CYFIP2: variants seen among roughly 807,000 people sequenced by gnomAD.
The protein encoded by CYFIP2 is cytoplasmic FMR1-interacting protein 2.
CYFIP2 carries 29 observed loss-of-function variants against 158.7 expected under a neutral mutation model. That is an observed-to-expected ratio of 0.18 (90% confidence interval 0.14 to 0.25). The LOEUF (loss-of-function observed/expected upper bound fraction) is 0.25, where lower values mean the gene tolerates loss of function less well. CYFIP2 is among the 10% of genes least tolerant of loss of function. The pLI, the probability that CYFIP2 is intolerant of heterozygous loss-of-function variation, is 1.00. For synonymous variants in CYFIP2, 585 were observed against 617.6 expected, an observed-to-expected ratio of 0.95 and a Z score of 0.78; for missense variants, 852 against 1,639.5, an observed-to-expected ratio of 0.52 and a Z score of 8.29.
At chr5:157,307,331 C>T (rs761262714) in intron 8 of CYFIP2, among the ~76,000 whole-genome samples, 2 of 152,188 alleles carry the variant, frequency 1.3e-5, no homozygotes, top group Non-Finnish European at 2.9e-5. Flanking sequence ...GATCTAAATG[C>T]GGAAATATTG....
chr5:157,296,623 A>G (rs1758273285), intron 4 of CYFIP2, 50 bp from the exon 5 acceptor site: 1 of 1,544,358 alleles, frequency 6.5e-7, no homozygotes. Flanking sequence ...AAACAGTAAT[A>G]AGACAACAGG....
chr5:157,341,835 G>C (rs1412674521), intron 23 of CYFIP2: 1 of 152,356 alleles, frequency 6.6e-6, no homozygotes, highest in Non-Finnish European at 1.5e-5. Flanking sequence ...TGCTTGGAGA[G>C]TACAGGCGTC....
intron 23 of CYFIP2, among the ~76,000 whole-genome samples, chr5:157,353,855 A>G (rs1323393710): frequency 6.6e-6 from 1 of 152,238 alleles, no homozygotes; most frequent in African/African-American, 2.4e-5. Flanking sequence ...TCCAGAGAGC[A>G]GAGATGCAAA....
In CYFIP2 at chr5:157,296,787, G is replaced by C; in HGVS notation, c.387+13G>C. On this transcript the variant is annotated intron_variant, in intron 5 of 30. Transcript: ENST00000620254. The stretch of plus-strand genomic sequence containing the variant: ...CATGTATTTTCAGGTGAGTGGGGAG[G>C]GGCAGGTCTGCATCTGGAGAACTGA... 1 of 1,606,398 alleles carries C rather than the reference G, an allele frequency of 6.2e-7. No homozygotes were observed.
At chr5:157,347,771 C>G (rs527380845) in intron 23 of CYFIP2, among the ~76,000 whole-genome samples, 62 of 152,332 alleles carry the variant, frequency 4.1e-4, no homozygotes, top group Admixed American at 8.5e-4. Flanking sequence ...TTAAGATACT[C>G]AGAGAATGTG....
At chr5:157,303,272 A>C (rs977861483) in intron 7 of CYFIP2, 2 of 193,198 alleles carry the variant, frequency 1.0e-5, no homozygotes, top group African/African-American at 4.6e-5. Context: ...TATTTTGAGA[A>C]TATTATGAGA....
In CYFIP2 at chr5:157,304,382, G is replaced by T. The variant is rs1759037221; in HGVS notation, c.795+16G>T. ...GCTCCTCAAGGTAAAACTCCCCTGA[G>T]GCCGCACCCATGGAGCCTGGGCTTA... On this transcript the variant is annotated intron_variant, in intron 8 of 30. Coordinates refer to ENST00000620254, the MANE Select transcript of CYFIP2 (RefSeq NM_001037333.3). The T allele has an allele frequency of 6.2e-7, 1 of 1,610,886 alleles. No individual in the cohort carries two copies. The highest frequency in any genetic ancestry group is 8.5e-7 in the Non-Finnish European group (1 of 1,177,736).
At chr5:157,381,880 G>T (rs984898009) in intron 26 of CYFIP2, among the ~76,000 whole-genome samples, 1 of 152,144 alleles carries the variant, frequency 6.6e-6, no homozygotes, top group Non-Finnish European at 1.5e-5. Context: ...AGCAAACCCC[G>T]GCAGAGGATG....
At chr5:157,365,764 T>C (rs1764307856) in intron 26 of CYFIP2, among the ~76,000 whole-genome samples, 1 of 77,320 alleles carries the variant, frequency 1.3e-5, no homozygotes, top group African/African-American at 5.7e-5. Context: ...TTATCTAGTA[T>C]GTTTTCCCTT....
rs561909756 is a variant in CYFIP2 at position 157,311,036 on chromosome 5, G to A, written c.993-628G>A. On this transcript the variant is annotated intron_variant, in intron 10 of 30. Transcript: ENST00000620254. This position sits in a 1 kb window ranked among gnomAD's most constrained non-coding sequence, Gnocchi z 4.7. ...CTAATGACATCTTTTCACAAGGCGTGGAAAAAAGGCGGAGGGAAGGAGGAA... is the reference window on the plus strand; with the variant it reads ...CTAATGACATCTTTTCACAAGGCGTAGAAAAAAGGCGGAGGGAAGGAGGAA... 2 of 453,852 alleles carry A rather than the reference G, an allele frequency of 4.4e-6. No homozygotes were observed. Among genetic ancestry groups the A allele is most frequent in the South Asian group, 3.1e-5 (2 of 64,474 alleles). 28.1% of individuals were successfully genotyped at this position (453,852 alleles called of 1,614,324 possible). A position where few individuals can be genotyped will look rare whatever the true frequency, so the allele number is the denominator to read the frequency against.
rs957780006 is a variant in CYFIP2, at chr5:157,330,902, T to G, written c.2265+52T>G. ...GATGGAAGGGGCAGGAGAGAGCAGCTGCGAAGTTAGCATAGAGATCAGAAA... is the reference window on the plus strand; with the variant it reads ...GATGGAAGGGGCAGGAGAGAGCAGCGGCGAAGTTAGCATAGAGATCAGAAA... On this transcript the variant is annotated intron_variant, in intron 20 of 30. Transcript: ENST00000620254. 37 of 1,413,142 alleles carry G rather than the reference T, an allele frequency of 2.6e-5. No homozygotes were observed. In the Middle Eastern group the frequency reaches 8.8e-4, roughly 33 times the overall value. 87.5% of individuals were successfully genotyped at this position (1,413,142 alleles called of 1,614,324 possible).
chr5:157,289,510 C>T (rs1757658546), intron 3 of CYFIP2, among the ~76,000 whole-genome samples: 1 of 152,160 alleles, frequency 6.6e-6, no homozygotes, highest in South Asian at 2.1e-4. Context: ...TCGGTTTTTC[C>T]TCAGACTTTT....
At chr5:157,268,065 C>T (rs1467391171) in intron 1 of CYFIP2, among the ~76,000 whole-genome samples, 1 of 152,252 alleles carries the variant, frequency 6.6e-6, no homozygotes, top group African/African-American at 2.4e-5. Flanking sequence ...TCCTCGTTGG[C>T]ATTGGCTGCC....
intron 26 of CYFIP2, among the ~76,000 whole-genome samples, chr5:157,368,102 T>A (rs1764600609): frequency 6.6e-6 from 1 of 152,190 alleles, no homozygotes; most frequent in African/African-American, 2.4e-5. Context: ...GATGTTTTTA[T>A]GTTCTAGCAG....
rs560561592 is a variant in CYFIP2 at position 157,380,496 on chromosome 5, CCT to C, written c.3040-2093_3040-2092del. ...GATTTCTTTCACTGTCATAATGTCC[CCT>C]GTTATAATTTTGGAAAGGTGGTTTT... On this transcript the variant is annotated intron_variant, in intron 26 of 30. Coordinates refer to ENST00000620254, the MANE Select transcript of CYFIP2 (RefSeq NM_001037333.3). 4.0e-3 allele frequency among the ~76,000 whole-genome samples: 615 copies of C among 152,258 alleles called. 5 individuals are homozygous for C. Among genetic ancestry groups the C allele is most frequent in the African/African-American group, 0.014 (582 of 41,532 alleles).
intron 23 of CYFIP2, among the ~76,000 whole-genome samples, chr5:157,357,020 A>G (rs1003311942): frequency 1.3e-5 from 2 of 152,200 alleles, no homozygotes; most frequent in Non-Finnish European, 2.9e-5. Flanking sequence ...GCTAAATACA[A>G]TAAGTACCTC....
chr5:157,338,590 A>G (rs1295185048), intron 21 of CYFIP2, among the ~76,000 whole-genome samples: 1 of 152,268 alleles, frequency 6.6e-6, no homozygotes, highest in African/African-American at 2.4e-5. Context: ...AAACTGGCAC[A>G]TACTAATTTG....
intron 26 of CYFIP2, among the ~76,000 whole-genome samples, chr5:157,381,596 T>A (rs1277897704): frequency 6.7e-5 from 10 of 150,322 alleles, no homozygotes; most frequent in Non-Finnish European, 1.5e-4. Flanking sequence ...AGAATGACAG[T>A]CAGATCAGGC....
rs1429181012 is a variant in CYFIP2, at chr5:157,274,742, TCCTTTTCA to T, written c.-24+8548_-24+8555del. Among the ~76,000 whole-genome samples the T allele has an allele frequency of 7.0e-4, 107 of 152,330 alleles. 1 individual carries two copies. The highest frequency in any genetic ancestry group is 3.4e-3 in the Admixed American group (52 of 15,298). On this transcript the variant is annotated intron_variant, in intron 1 of 30. Transcript: ENST00000620254. The stretch of plus-strand genomic sequence containing the variant: ...CCTTGCCAACACTTGTTATTGTCTG[TCCTTTTCA>T]TTATAGCCATCCTAGTGGGTGTGAA...
Sources: allele counts gnomAD v4.1 joint callset (sites outside exome capture counted in the v4.1 genomes callset), GRCh38; gene constraint gnomAD v4.1.1; non-coding constraint Gnocchi (gnomAD v3.1); transcripts MANE v1.5; gene names NCBI Gene and HGNC (gene_info 2026-07-23, HGNC 2026-07-21).